The following SLC39A11 variants were observed in gnomAD, a reference collection of about 807,000 sequenced individuals.
SLC39A11 encodes the protein zinc transporter ZIP11.
A neutral mutation model predicts 36.1 loss-of-function variants in SLC39A11; 33 were observed. That is an observed-to-expected ratio of 0.91 (90% CI 0.69 to 1.22). SLC39A11 has a LOEUF of 1.22. Among genes scored for constraint, SLC39A11 ranks in the 50% most tolerant of loss-of-function variants. The pLI is 0.00. For missense variants in SLC39A11, 432 were observed against 430.3 expected (o/e 1.00, Z -0.03); for synonymous variants, 166 against 170.3 (o/e 0.97, Z 0.20).
intron 5 of SLC39A11, among the ~76,000 whole-genome samples, chr17:72,856,816 G>A (rs2079664240): frequency 6.6e-6 from 1 of 152,052 alleles, no homozygotes; most frequent in African/African-American, 2.4e-5. Flanking sequence ...GAGTAGCTGG[G>A]ACTACAGACA....
intron 6 of SLC39A11, among the ~76,000 whole-genome samples, chr17:72,835,249 T>C (rs2078476200): frequency 6.6e-6 from 1 of 152,092 alleles, no homozygotes; most frequent in African/African-American, 2.4e-5. Flanking sequence ...CTGCAGTAAA[T>C]GAGAAGCATC....
At chr17:72,824,935 G>A (rs548785085) in intron 6 of SLC39A11, among the ~76,000 whole-genome samples, 1 of 151,468 alleles carries the variant, frequency 6.6e-6, no homozygotes, top group East Asian at 1.9e-4. Context: ...GGGAAGCAGA[G>A]CAAAAAGTTT....
Position 72,937,811 on chromosome 17 carries a change from G to A in SLC39A11, c.430+9941C>T, listed in dbSNP as rs532522801. On this transcript the variant is annotated intron_variant, in intron 5 of 9. Transcript: ENST00000255559. ...CTCACCAAGGCAGAAACCGCTAGGT[G>A]AGCCTGGTCTCCTGGGGGAATAGAG... Among the ~76,000 whole-genome samples the A allele has an allele frequency of 7.3e-4, 111 of 152,314 alleles. 1 individual carries two copies. The highest frequency in any genetic ancestry group is 3.5e-3 in the South Asian group (17 of 4,822).
chr17:72,939,380 AC>A (rs2084954682), intron 5 of SLC39A11, among the ~76,000 whole-genome samples: 1 of 150,028 alleles, frequency 6.7e-6, no homozygotes, highest in East Asian at 2.0e-4. Context: ...AACTGCTTGA[AC>A]CCGGGAGGCG....
At chr17:72,872,454 G>A (rs746504141) in intron 5 of SLC39A11, among the ~76,000 whole-genome samples, 8 of 152,178 alleles carry the variant, frequency 5.3e-5, no homozygotes, top group African/African-American at 1.4e-4. Flanking sequence ...CTGGTCTCTC[G>A]AAATAAGGAT....
intron 7 of SLC39A11, among the ~76,000 whole-genome samples, chr17:72,729,048 T>C (rs1270675101): frequency 6.6e-6 from 1 of 152,092 alleles, no homozygotes; most frequent in African/African-American, 2.4e-5. Context: ...ATATTCTTTT[T>C]CAGTTGGTGC....
At position 72,848,720 on chromosome 17, in the gene SLC39A11, T is replaced by TAAAA. The variant is rs35460918; in HGVS notation, c.601+910_601+913dup. Among the ~76,000 whole-genome samples, 208 of 144,370 alleles carry TAAAA rather than the reference T, an allele frequency of 1.4e-3. 1 individual carries two copies. Among genetic ancestry groups the TAAAA allele is most frequent in the Admixed American group, 4.1e-3 (60 of 14,498 alleles). The allele number at this position is 144,370 out of a possible 152,430, so 94.7% of individuals were successfully genotyped here. On this transcript the variant is annotated intron_variant, in intron 6 of 9. Transcript: ENST00000255559. The stretch of plus-strand genomic sequence containing the variant: ...TGGGGGACAGAGCAAGACTCTGTCT[T>TAAAA]AAAAAAAAAAAAAGACATAAAAGAA...
At chr17:72,840,598 A>C (rs1408528447) in intron 6 of SLC39A11, among the ~76,000 whole-genome samples, 1 of 152,206 alleles carries the variant, frequency 6.6e-6, no homozygotes, top group Non-Finnish European at 1.5e-5. Flanking sequence ...GCCTCTACTA[A>C]AAGTACAAAA....
intron 4 of SLC39A11, among the ~76,000 whole-genome samples, chr17:73,027,947 A>G (rs2058613680): frequency 6.6e-6 from 1 of 152,210 alleles, no homozygotes; most frequent in South Asian, 2.1e-4. Flanking sequence ...AACTCCAAGC[A>G]GACGTGTCCC....
intron 4 of SLC39A11, among the ~76,000 whole-genome samples, chr17:72,965,061 T>C (rs1271605988): frequency 2.0e-5 from 3 of 151,528 alleles, no homozygotes; most frequent in Non-Finnish European, 4.4e-5. Flanking sequence ...ATGAGAACAC[T>C]TGGACACAGG....
At chr17:72,726,651 A>G (rs2073946407) in intron 7 of SLC39A11, among the ~76,000 whole-genome samples, 1 of 152,194 alleles carries the variant, frequency 6.6e-6, no homozygotes, top group South Asian at 2.1e-4. Flanking sequence ...TGACCAGGAA[A>G]ATATGTCAAA....
At chr17:72,893,886 G>C (rs1322813919) in intron 5 of SLC39A11, among the ~76,000 whole-genome samples, 1 of 152,094 alleles carries the variant, frequency 6.6e-6, no homozygotes, top group South Asian at 2.1e-4. Context: ...TAAAAATATT[G>C]TTTTCCTTTT....
chr17:72,823,256 A>T (rs1354955427), intron 6 of SLC39A11, among the ~76,000 whole-genome samples: 5 of 151,242 alleles, frequency 3.3e-5, no homozygotes, highest in Non-Finnish European at 3.0e-5. Context: ...TTGAGGCATG[A>T]GTCTTCTTAC....
At chr17:72,753,889 C>CAA (rs35076559) in intron 6 of SLC39A11, among the ~76,000 whole-genome samples, 1,763 of 51,798 alleles carry the variant, frequency 0.034, 79 homozygotes, top group African/African-American at 0.085. Context: ...AGTCATTATA[C>CAA]AAAAAAAAAA....
chr17:72,982,210 T>C (rs1413252568), intron 4 of SLC39A11, among the ~76,000 whole-genome samples: 3 of 152,150 alleles, frequency 2.0e-5, no homozygotes, highest in Non-Finnish European at 4.4e-5. Context: ...TTCTCAAACA[T>C]TGCTGGTAAA....
intron 6 of SLC39A11, among the ~76,000 whole-genome samples, chr17:72,761,853 G>T (rs1395755204): frequency 6.6e-6 from 1 of 152,236 alleles, no homozygotes; most frequent in Non-Finnish European, 1.5e-5. Flanking sequence ...CAAAGAGAAA[G>T]TGAGAGAAAG....
intron 7 of SLC39A11, among the ~76,000 whole-genome samples, chr17:72,699,118 A>G (rs77748678): frequency 1.3e-5 from 2 of 152,080 alleles, no homozygotes; most frequent in Non-Finnish European, 1.5e-5. Context: ...GGTGAGCCAC[A>G]GCGCCTGGCC....
intron 7 of SLC39A11, among the ~76,000 whole-genome samples, chr17:72,701,681 T>A (rs1395528436): frequency 7.4e-6 from 1 of 135,742 alleles, no homozygotes; most frequent in Non-Finnish European, 1.5e-5. Flanking sequence ...GGAGCCGAGG[T>A]TGTACCACTG....
At chr17:73,047,732 C>T (rs981745794) in intron 3 of SLC39A11, among the ~76,000 whole-genome samples, 2 of 151,740 alleles carry the variant, frequency 1.3e-5, no homozygotes. Flanking sequence ...CTTTGGTAGG[C>T]TGAAGCGGGC....
Sources: allele counts gnomAD v4.1 joint callset (sites outside exome capture counted in the v4.1 genomes callset), GRCh38; gene constraint gnomAD v4.1.1; transcripts MANE v1.5; gene names NCBI Gene and HGNC (gene_info 2026-07-23, HGNC 2026-07-21).